The following NRG3 variants were observed in gnomAD, a reference collection of about 807,000 sequenced individuals.
NRG3 encodes the protein pro-neuregulin-3, membrane-bound isoform.
Under a neutral mutation model 66.9 loss-of-function variants are expected in NRG3, and 31 were observed. The observed-to-expected ratio is 0.46, with a 90% CI of 0.35 to 0.63. The LOEUF (loss-of-function observed/expected upper bound fraction) is 0.63, where lower values mean the gene tolerates loss of function less well. Ranked by LOEUF, NRG3 falls within the 20% of genes least tolerant of loss-of-function variation. The pLI is 0.00. For missense variants in NRG3, 910 were observed against 878.9 expected, an observed-to-expected ratio of 1.04 and a Z score of -0.45; for synonymous variants, 393 against 359.4, an observed-to-expected ratio of 1.09 and a Z score of -1.06.
At chr10:82,491,317 A>AT (rs1564985027) in intron 2 of NRG3, among the ~76,000 whole-genome samples, 2 of 32,974 alleles carry the variant, frequency 6.1e-5, no homozygotes, top group African/African-American at 1.2e-4. Context: ...TATATATATA[A>AT]AATAAAGATG....
intron 2 of NRG3, among the ~76,000 whole-genome samples, chr10:82,401,298 TACAC>T (rs1430486563): frequency 2.6e-5 from 4 of 152,090 alleles, no homozygotes; most frequent in African/African-American, 4.8e-5. Context: ...AATTTATACA[TACAC>T]ATGTATATGG....
At chr10:82,025,416 A>G (rs973627232) in intron 1 of NRG3, among the ~76,000 whole-genome samples, 2 of 151,826 alleles carry the variant, frequency 1.3e-5, no homozygotes, top group Admixed American at 1.3e-4. Context: ...TTGGAACATG[A>G]GTAATTTATA....
intron 8 of NRG3, among the ~76,000 whole-genome samples, chr10:82,981,900 T>TGAA: frequency 6.6e-6 from 1 of 152,164 alleles, no homozygotes; most frequent in African/African-American, 2.4e-5. Context: ...CAAAATGTAC[T>TGAA]GAATACCTAC....
intron 2 of NRG3, among the ~76,000 whole-genome samples, chr10:82,693,252 A>AATAACACTACCAAAGGAGGAAC (rs2055088970): frequency 6.6e-6 from 1 of 152,180 alleles, no homozygotes; most frequent in Non-Finnish European, 1.5e-5. Flanking sequence ...GCATTCATTT[A>AATAACACTACCAAAGGAGGAAC]TTTTAAATAA....
intron 4 of NRG3, among the ~76,000 whole-genome samples, chr10:82,898,961 C>T (rs994341559): frequency 8.6e-5 from 13 of 151,984 alleles, no homozygotes; most frequent in Middle Eastern, 3.4e-3. Flanking sequence ...CTGCCTGCCT[C>T]GGCCTCCCAA....
chr10:82,363,672 T>C (rs2135662021), intron 2 of NRG3, among the ~76,000 whole-genome samples: 1 of 152,084 alleles, frequency 6.6e-6, no homozygotes, highest in South Asian at 2.1e-4. Flanking sequence ...TTAGCCAGGA[T>C]GGTCTCAATC....
chr10:82,261,728 C>T (rs555902276), intron 1 of NRG3, among the ~76,000 whole-genome samples: 71 of 152,282 alleles, frequency 4.7e-4, no homozygotes, highest in Admixed American at 1.2e-3. Flanking sequence ...TTATCTGCAG[C>T]GGGAACATGT....
chr10:82,945,821 C>G (rs1347078942), intron 4 of NRG3, among the ~76,000 whole-genome samples: 1 of 152,088 alleles, frequency 6.6e-6, no homozygotes, highest in African/African-American at 2.4e-5. Flanking sequence ...CATATTGAAA[C>G]CATAGCAGCT....
intron 1 of NRG3, among the ~76,000 whole-genome samples, chr10:82,206,602 T>C (rs2075129360): frequency 6.6e-6 from 1 of 152,210 alleles, no homozygotes; most frequent in African/African-American, 2.4e-5. Flanking sequence ...TTGAAAACCA[T>C]CTTCTGCTTT....
At chr10:82,971,138 A>G (rs1265662396) in intron 6 of NRG3, among the ~76,000 whole-genome samples, 1 of 152,102 alleles carries the variant, frequency 6.6e-6, no homozygotes, top group Non-Finnish European at 1.5e-5. Context: ...ATAGAATGAG[A>G]ACTCACTCAT....
intron 2 of NRG3, among the ~76,000 whole-genome samples, chr10:82,594,022 A>G (rs2133334972): frequency 6.6e-6 from 1 of 152,240 alleles, no homozygotes; most frequent in African/African-American, 2.4e-5. Context: ...GTTTTATGTC[A>G]GACTCAGGAC....
chr10:82,271,479 T>C (rs1375360443), intron 1 of NRG3, among the ~76,000 whole-genome samples: 8 of 152,148 alleles, frequency 5.3e-5, no homozygotes, highest in Non-Finnish European at 1.0e-4. Context: ...GAATGTTGTA[T>C]GGAATAACAA....
At chr10:81,889,639 A>G (rs1203618088) in intron 1 of NRG3, 2 of 152,188 alleles carry the variant, frequency 1.3e-5, no homozygotes, top group Admixed American at 6.5e-5. Flanking sequence ...AGCCAATGGC[A>G]TCTCTCTTCT....
chr10:82,311,481 C>T (rs190689718), intron 1 of NRG3, among the ~76,000 whole-genome samples: 56 of 152,258 alleles, frequency 3.7e-4, no homozygotes, highest in African/African-American at 1.2e-3. Context: ...AAAGCACTCA[C>T]TGGCTGTGCT....
At position 82,008,791 on chromosome 10, in the gene NRG3, A is replaced by G. The variant is rs559072559; in HGVS notation, c.823+132628A>G. On this transcript the variant is annotated intron_variant, in intron 1 of 8. Coordinates refer to ENST00000372141, the MANE Select transcript of NRG3 (RefSeq NM_001010848.4). ...GAAAATGATTTTATTGGACCCACTA[A>G]CATCACCAGGAAGAATGCAATGCAA... Among the ~76,000 whole-genome samples, 21 of 152,304 alleles carry G rather than the reference A, an allele frequency of 1.4e-4. No individual in the cohort carries two copies. The South Asian group carries it at 3.9e-3, about 29-fold the overall frequency.
intron 2 of NRG3, among the ~76,000 whole-genome samples, chr10:82,724,005 A>C (rs2134549857): frequency 6.6e-6 from 1 of 151,484 alleles, no homozygotes; most frequent in Non-Finnish European, 1.5e-5. Flanking sequence ...AATAAAAAAA[A>C]TTTAAAAAAT....
At chr10:81,894,602 T>C (rs1843346578) in intron 1 of NRG3, among the ~76,000 whole-genome samples, 1 of 152,190 alleles carries the variant, frequency 6.6e-6, no homozygotes. Flanking sequence ...CAGTTCATAA[T>C]AGGAGCAGAA....
chr10:82,380,660 T>C (rs916378259), intron 2 of NRG3, among the ~76,000 whole-genome samples: 1 of 152,164 alleles, frequency 6.6e-6, no homozygotes, highest in East Asian at 1.9e-4. Context: ...ACAAATTATC[T>C]TCATATACCT....
rs1358646440 is a variant in NRG3 at position 82,881,323 on chromosome 10, A to C, written c.1054+15886A>C. Reference sequence around the variant, plus strand: ...TAGTTAATGAGTTTTTGAGGAAGAAAGTAGCATTTAACTTACCAAAAGATG... The same window carrying C: ...TAGTTAATGAGTTTTTGAGGAAGAACGTAGCATTTAACTTACCAAAAGATG... On this transcript the variant is annotated intron_variant, in intron 4 of 8. Transcript: ENST00000372141. 2.0e-5 allele frequency among the ~76,000 whole-genome samples: 3 copies of C among 152,224 alleles called. No individual in the cohort carries two copies. In the East Asian group the frequency reaches 5.8e-4, roughly 29 times the overall value.
Sources: gnomAD v4.1 joint callset for allele counts (sites outside exome capture counted in the v4.1 genomes callset) on GRCh38, gnomAD v4.1.1 for gene constraint, MANE v1.5 for transcripts, NCBI Gene and HGNC (gene_info 2026-07-23, HGNC 2026-07-21) for gene names.